PPARG: variants seen among roughly 807,000 people sequenced by gnomAD.
The protein encoded by PPARG is peroxisome proliferator-activated receptor gamma.
A neutral mutation model predicts 39.2 loss-of-function variants in PPARG; 17 were observed. The ratio of observed to expected loss-of-function variants is 0.43; its 90% CI spans 0.30 to 0.65. The LOEUF is 0.65. Among genes scored for constraint, PPARG ranks in the 30% least tolerant of loss-of-function variants. PPARG has a pLI of 0.13. For synonymous variants in PPARG, 223 were observed against 215.7 expected (o/e 1.03, Z -0.30); for missense variants, 406 against 585.9 (o/e 0.69, Z 3.17).
intron 2 of PPARG, among the ~76,000 whole-genome samples, chr3:12,371,647 A>G (rs969739901): frequency 8.5e-5 from 13 of 152,224 alleles, no homozygotes; most frequent in African/African-American, 2.9e-4. Context: ...GGCAAAGGTT[A>G]AAAGTCCCAT....
chr3:12,427,999 G>T (rs1378247329), intron 7 of PPARG, among the ~76,000 whole-genome samples: 2 of 152,188 alleles, frequency 1.3e-5, no homozygotes, highest in African/African-American at 4.8e-5. Flanking sequence ...GATGCAGAAA[G>T]CCAGGAGAGC....
At chr3:12,319,151 T>C (rs1391037818) in intron 2 of PPARG, among the ~76,000 whole-genome samples, 1 of 152,234 alleles carries the variant, frequency 6.6e-6, no homozygotes, top group Non-Finnish European at 1.5e-5. Flanking sequence ...AAGGAATACA[T>C]AGTGTGCTCT....
intron 2 of PPARG, among the ~76,000 whole-genome samples, chr3:12,333,638 A>G (rs1039841086): frequency 2.0e-5 from 3 of 152,116 alleles, no homozygotes. Flanking sequence ...AAAGCACAGT[A>G]ATAGGTTCAC....
At chr3:12,349,814 T>C (rs888029944) in intron 2 of PPARG, among the ~76,000 whole-genome samples, 5 of 152,160 alleles carry the variant, frequency 3.3e-5, no homozygotes, top group Non-Finnish European at 7.3e-5. Flanking sequence ...AATAAATTGT[T>C]AAAATATGTA....
intron 2 of PPARG, among the ~76,000 whole-genome samples, chr3:12,379,369 A>T (rs542954195): frequency 6.6e-6 from 1 of 152,356 alleles, no homozygotes; most frequent in South Asian, 2.1e-4. Flanking sequence ...AATTTTAAAT[A>T]AATAACAGCA....
chr3:12,418,718 G>A (rs2051160566), intron 7 of PPARG, among the ~76,000 whole-genome samples: 1 of 152,130 alleles, frequency 6.6e-6, no homozygotes, highest in Non-Finnish European at 1.5e-5. Flanking sequence ...AAGGTTACGT[G>A]GCTAGCAAAA....
rs768103795 is a variant in PPARG, at chr3:12,433,936, A to G, written c.1219A>G (p.Ile407Val). 2.0e-5 allele frequency: 33 copies of G among 1,614,126 alleles called. No homozygotes were observed. Among genetic ancestry groups the G allele is most frequent in the Non-Finnish European group, 2.7e-5 (32 of 1,180,038 alleles). Residue 407 changes from isoleucine to valine, a missense_variant, in exon 8 of 8, where the codon ATT (isoleucine) becomes GTT (valine). By Grantham distance (29) the Ile-to-Val change is conservative. Around this residue, in one of 2 missense-constraint regions of PPARG, gnomAD observed 275 missense variants for 458.0 expected, o/e 0.60. Coordinates refer to ENST00000651735, the MANE Select transcript of PPARG (RefSeq NM_138711.6). ...GCTGAATGTGAAGCCCATTGAAGAC[A>G]TTCAAGACAACCTGCTACAAGCCCT... ...GLLNVKPIED[I>V]QDNLLQALEL... is the part of the protein sequence containing the mutation.
chr3:12,329,307 A>C (rs142378512), intron 2 of PPARG, among the ~76,000 whole-genome samples: 7 of 152,304 alleles, frequency 4.6e-5, no homozygotes, highest in Admixed American at 4.6e-4. Context: ...TTTGATTTGT[A>C]GTTCAACTGT....
chr3:12,298,238 G>GC (rs2046838977), intron 1 of PPARG, among the ~76,000 whole-genome samples: 1 of 128,880 alleles, frequency 7.8e-6, no homozygotes, highest in South Asian at 2.7e-4. Context: ...GGCAGAGCTT[G>GC]CAGTGAGCCG....
upstream of PPARG, chr3:12,287,896 G>T (rs2046546757): frequency 2.1e-5 from 3 of 141,668 alleles, no homozygotes; most frequent in Non-Finnish European, 4.7e-5. Context: ...GCCCGACCCG[G>T]CTCCGCCGCG....
chr3:12,344,760 G>C (rs1204584004), intron 2 of PPARG: 1 of 152,082 alleles, frequency 6.6e-6, no homozygotes, highest in East Asian at 1.9e-4. Flanking sequence ...TTAAATATTT[G>C]ATTATAAGAA....
intron 5 of PPARG, among the ~76,000 whole-genome samples, chr3:12,403,765 A>G (rs530462550): frequency 2.0e-5 from 3 of 152,330 alleles, no homozygotes; most frequent in Admixed American, 2.0e-4. Context: ...AAGGAATTCT[A>G]TCTGAGCAAA....
chr3:12,377,991 C>T (rs1187627773), intron 2 of PPARG, among the ~76,000 whole-genome samples: 1 of 152,056 alleles, frequency 6.6e-6, no homozygotes, highest in East Asian at 1.9e-4. Context: ...AGAAGACATA[C>T]AAGTGGCCAA....
At chr3:12,309,021 A>G (rs999801192) in intron 1 of PPARG, among the ~76,000 whole-genome samples, 2 of 152,190 alleles carry the variant, frequency 1.3e-5, no homozygotes, top group African/African-American at 4.8e-5. Flanking sequence ...TTAAATTACA[A>G]GGTTTGCAGA....
Position 12,379,879 on chromosome 3 carries a change from A to G in PPARG, c.168A>G (p.Thr56=). The change falls in exon 3 of 8, where the codon ACA becomes ACG. Residue 56 remains threonine (T), a synonymous_variant. Transcript: ENST00000651735. ...ACGAAGACATTCCATTCACAAGAAC[A>G]GATCCAGTGGTTGCAGATTACAAGT... ...PHYEDIPFTR[T]DPVVADYKYD... The G allele has an allele frequency of 3.1e-6, 5 of 1,613,868 alleles. No homozygotes were observed. The highest frequency in any genetic ancestry group is 4.2e-6 in the Non-Finnish European group (5 of 1,179,788).
chr3:12,317,929 C>T (rs901340370), intron 2 of PPARG, among the ~76,000 whole-genome samples: 4 of 152,174 alleles, frequency 2.6e-5, no homozygotes, highest in Non-Finnish European at 4.4e-5. Context: ...GAGAGTGAAG[C>T]GCTTCAATAG....
chr3:12,318,575 A>G (rs1180871430), intron 2 of PPARG, among the ~76,000 whole-genome samples: 8 of 152,214 alleles, frequency 5.3e-5, no homozygotes, highest in Admixed American at 5.2e-4. Context: ...ATATATTAAA[A>G]TGAATAGGAA....
chr3:12,305,864 A>G (rs903244446), intron 1 of PPARG: 1 of 152,248 alleles, frequency 6.6e-6, no homozygotes, highest in Non-Finnish European at 1.5e-5. Flanking sequence ...ACCATTCTGC[A>G]GTTTAAATCT....
upstream of PPARG, chr3:12,288,810 C>G (rs893549627): frequency 6.6e-6 from 1 of 152,304 alleles, no homozygotes; most frequent in Non-Finnish European, 1.5e-5. Context: ...CAGCCGCACC[C>G]CGGGGGGCTG....
Sources: gnomAD v4.1 joint callset for allele counts (sites outside exome capture counted in the v4.1 genomes callset) on GRCh38, gnomAD v4.1.1 for gene constraint, gnomAD v4.1.1 regional missense constraint, MANE v1.5 for transcripts, NCBI Gene and HGNC (gene_info 2026-07-23, HGNC 2026-07-21) for gene names.